DLC1: variants seen among roughly 807,000 people sequenced by gnomAD.
DLC1 encodes the protein rho GTPase-activating protein 7.
A neutral mutation model predicts 140.3 loss-of-function variants in DLC1; 54 were observed. That is an observed-to-expected ratio of 0.38 (90% CI 0.31 to 0.48). DLC1 has a LOEUF of 0.48. Among genes scored for constraint, DLC1 ranks in the 20% least tolerant of loss-of-function variants. The pLI, the probability that DLC1 is intolerant of heterozygous loss-of-function variation, is 0.96. For missense variants in DLC1, 2,536 were observed against 1,907.0 expected, an observed-to-expected ratio of 1.33 and a Z score of -6.14; for synonymous variants, 986 against 728.1, an observed-to-expected ratio of 1.35 and a Z score of -5.70.
At chr8:13,415,310 A>G (rs1002012570) in intron 2 of DLC1, among the ~76,000 whole-genome samples, 8 of 152,170 alleles carry the variant, frequency 5.3e-5, no homozygotes, top group Non-Finnish European at 1.2e-4. Context: ...ACTTGTTGTG[A>G]AAAACTGTTT....
chr8:13,516,084 G>C (rs947892088), upstream of DLC1, among the ~76,000 whole-genome samples: 2 of 152,108 alleles, frequency 1.3e-5, no homozygotes, highest in Admixed American at 6.6e-5. Flanking sequence ...ATCTTGCTTG[G>C]TGGAAATGGC....
At chr8:13,137,085 G>A (rs1376041431) in intron 5 of DLC1, among the ~76,000 whole-genome samples, 3 of 152,082 alleles carry the variant, frequency 2.0e-5, no homozygotes, top group African/African-American at 7.2e-5. Context: ...AACAAAATAA[G>A]ACCTTGGCAT....
intron 2 of DLC1, among the ~76,000 whole-genome samples, chr8:13,497,973 A>T (rs910768318): frequency 1.3e-5 from 2 of 152,214 alleles, no homozygotes; most frequent in African/African-American, 4.8e-5. Context: ...CAGTCTATGA[A>T]AACCAGATTT....
intron 6 of DLC1, among the ~76,000 whole-genome samples, chr8:13,112,313 A>C (rs1662078): frequency 0.097 from 14,710 of 152,114 alleles, 2,104 homozygotes; most frequent in African/African-American, 0.31. Context: ...ATTGTTTCTT[A>C]TGATTACTGG....
At chr8:13,305,079 T>C in intron 5 of DLC1, 190 bp downstream of exon 5, 2 of 1,269,956 alleles carry the variant, frequency 1.6e-6, no homozygotes, top group Non-Finnish European at 2.0e-6. Flanking sequence ...ACAATGTCAT[T>C]ATGTCAGAAA....
intron 5 of DLC1, among the ~76,000 whole-genome samples, chr8:13,154,214 G>A (rs1275523410): frequency 1.3e-5 from 2 of 152,248 alleles, no homozygotes; most frequent in African/African-American, 4.8e-5. Flanking sequence ...CCAGGTGCTT[G>A]CGCTCCTCAG....
intron 14 of DLC1, 54 bp from the exon 15 acceptor site, chr8:13,090,524 A>C: frequency 6.3e-6 from 10 of 1,588,544 alleles, no homozygotes; most frequent in South Asian, 2.3e-5. Context: ...ACTCAATCTC[A>C]ATGCCCATCA....
At chr8:13,135,721 C>T (rs560360837) in intron 5 of DLC1, among the ~76,000 whole-genome samples, 8 of 152,244 alleles carry the variant, frequency 5.3e-5, no homozygotes, top group African/African-American at 1.9e-4. Flanking sequence ...AAGTTGTATT[C>T]TAATTTAATT....
In DLC1 at chr8:13,401,464, G is replaced by T. The variant is rs755749079; in HGVS notation, c.1173+6C>A. ...TGGGAAAAGAAGTAGAAAGTGGAAA[G>T]CTCACAGGAACGTGCCGCCGCAGGT... On this transcript the variant is annotated splice_donor_region_variant and intron_variant, in intron 3 of 17. Transcript: ENST00000276297. 6.2e-7 allele frequency: 1 copy of T among 1,611,846 alleles called. No individual in the cohort carries two copies. Among genetic ancestry groups the T allele is most frequent in the Non-Finnish European group, 8.5e-7 (1 of 1,179,818 alleles).
intron 4 of DLC1, among the ~76,000 whole-genome samples, chr8:13,387,583 T>C (rs754162141): frequency 9.2e-5 from 14 of 152,046 alleles, no homozygotes; most frequent in Non-Finnish European, 1.5e-4. Context: ...GTGATTGGAT[T>C]TAGAAATATA....
At chr8:13,226,206 G>A (rs191985120) in intron 5 of DLC1, among the ~76,000 whole-genome samples, 24 of 152,222 alleles carry the variant, frequency 1.6e-4, no homozygotes, top group Admixed American at 1.1e-3. Flanking sequence ...GAGCCACTAT[G>A]CCCAGCCTGA....
intron 5 of DLC1, among the ~76,000 whole-genome samples, chr8:13,197,720 G>A (rs955615145): frequency 2.6e-5 from 4 of 151,826 alleles, no homozygotes; most frequent in Admixed American, 6.6e-5. Context: ...TCCAGAATAT[G>A]GACTTTATGG....
chr8:13,390,996 GA>G (rs34458274), intron 4 of DLC1, among the ~76,000 whole-genome samples: 1 of 141,252 alleles, frequency 7.1e-6, no homozygotes, highest in African/African-American at 2.6e-5. Context: ...AAAAAAAAAA[GA>G]AAAAAAAAAG....
Position 13,391,051 on chromosome 8 carries a change from T to G in DLC1, c.1314+2502A>C, listed in dbSNP as rs1836736335. ...CAAGTTACTCTTATTATTGGCCATT[T>G]AAAGAAAAGAAATTTCGTAAAAGTC... On this transcript the variant is annotated intron_variant, in intron 4 of 17. Transcript: ENST00000276297. 2.0e-5 allele frequency among the ~76,000 whole-genome samples: 3 copies of G among 152,260 alleles called. No individual in the cohort carries two copies. The South Asian group carries it at 6.2e-4, about 32-fold the overall frequency.
At chr8:13,192,013 C>G (rs893671080) in intron 5 of DLC1, among the ~76,000 whole-genome samples, 1 of 148,756 alleles carries the variant, frequency 6.7e-6, no homozygotes, top group Non-Finnish European at 1.5e-5. Context: ...GTGATCTCGG[C>G]TCACTGCAGC....
intron 1 of DLC1, among the ~76,000 whole-genome samples, chr8:13,547,361 A>G (rs1434708109): frequency 6.6e-6 from 1 of 152,026 alleles, no homozygotes; most frequent in Non-Finnish European, 1.5e-5. Context: ...TTCTCTTGTA[A>G]TGGACTCCAA....
chr8:13,569,781 G>A (rs1249862313), intron 1 of DLC1, among the ~76,000 whole-genome samples: 1 of 152,194 alleles, frequency 6.6e-6, no homozygotes, highest in Non-Finnish European at 1.5e-5. Context: ...GAATGCAGTG[G>A]TGCAATTACT....
At chr8:13,511,079 TG>T (rs997227451) in intron 1 of DLC1, among the ~76,000 whole-genome samples, 4 of 152,178 alleles carry the variant, frequency 2.6e-5, no homozygotes, top group African/African-American at 9.6e-5. Flanking sequence ...TGCTAATTGC[TG>T]GGAATAAAAG....
chr8:13,424,683 C>T (rs141333046), intron 2 of DLC1, among the ~76,000 whole-genome samples: 7 of 152,068 alleles, frequency 4.6e-5, no homozygotes, highest in African/African-American at 1.7e-4. Flanking sequence ...TGCCACTCTC[C>T]TGCCTTAGCC....
Sources: allele counts gnomAD v4.1 joint callset (sites outside exome capture counted in the v4.1 genomes callset), GRCh38; gene constraint gnomAD v4.1.1; transcripts MANE v1.5; gene names NCBI Gene and HGNC (gene_info 2026-07-23, HGNC 2026-07-21).